PTDSS2: variants seen among roughly 807,000 people sequenced by gnomAD.
PTDSS2 encodes PSS-2.
PTDSS2 carries 41 observed loss-of-function variants against 64.7 expected under a neutral mutation model. That is an observed-to-expected ratio of 0.63 (90% CI 0.49 to 0.82). PTDSS2 has a LOEUF of 0.82. Ranked by LOEUF, PTDSS2 falls within the 40% of genes least tolerant of loss-of-function variation. The probability of loss-of-function intolerance (pLI) is 0.00; values close to 1 mark genes in which losing one functional copy is unlikely to be tolerated. For synonymous variants in PTDSS2, 297 were observed against 277.8 expected (o/e 1.07, Z -0.69); for missense variants, 485 against 650.0 (o/e 0.75, Z 2.76).
rs569935228 is a variant in PTDSS2 at position 475,104 on chromosome 11, C to G, written c.367+1127C>G. On this transcript the variant is annotated intron_variant, in intron 3 of 11. Coordinates refer to ENST00000308020, the MANE Select transcript of PTDSS2 (RefSeq NM_030783.3). ...CACGTGTTTGTGTGTGGGACATATT[C>G]ACGCGTTTGTGTGATACGGACATAT... 1.8e-4 allele frequency among the ~76,000 whole-genome samples: 26 copies of G among 147,162 alleles called. 1 individual carries two copies. The South Asian group carries it at 5.7e-3, about 32-fold the overall frequency.
chr11:489,286 C>T (rs1416148347), intron 8 of PTDSS2, 114 bp from the exon 9 acceptor site: 16 of 832,784 alleles, frequency 1.9e-5, no homozygotes, highest in African/African-American at 3.4e-5. Context: ...AAGAGCAGAG[C>T]TCGTCCGATG....
intron 1 of PTDSS2, among the ~76,000 whole-genome samples, chr11:452,698 C>G (rs1441203079): frequency 1.3e-5 from 2 of 152,002 alleles, no homozygotes; most frequent in Non-Finnish European, 2.9e-5. Flanking sequence ...TGCTGTGCCT[C>G]CTCCCTTCCC....
intron 6 of PTDSS2, 45 bp downstream of exon 6, chr11:487,515 C>A (rs757309819): frequency 5.1e-6 from 8 of 1,571,680 alleles, no homozygotes; most frequent in Non-Finnish European, 7.0e-6. Context: ...GGTTCTGAGG[C>A]CTGCCGTGGG....
intron 2 of PTDSS2, among the ~76,000 whole-genome samples, chr11:465,076 C>T (rs557434732): frequency 6.6e-6 from 1 of 152,302 alleles, no homozygotes; most frequent in Admixed American, 6.5e-5. Flanking sequence ...TCAACACTGG[C>T]GCTAGAGCAA....
At chr11:481,657 T>C (rs1207868685) in intron 4 of PTDSS2, among the ~76,000 whole-genome samples, 1 of 152,216 alleles carries the variant, frequency 6.6e-6, no homozygotes, top group African/African-American at 2.4e-5. Flanking sequence ...TCGTTACTCA[T>C]GTATGGAAAT....
chr11:488,513 T>C lies in PTDSS2; in HGVS notation c.736-16T>C, dbSNP rs552241172. 33 of 1,602,808 alleles carry C rather than the reference T, an allele frequency of 2.1e-5. No individual in the cohort carries two copies. The East Asian group carries it at 3.3e-4, about 16-fold the overall frequency. ...TACCCCTCACCCCTGCAACGAGTGC[T>C]GGCCCCTCCCTGCAGTGGATCATGG... On this transcript the variant is annotated splice_polypyrimidine_tract_variant and intron_variant, in intron 7 of 11. Coordinates refer to ENST00000308020, the MANE Select transcript of PTDSS2 (RefSeq NM_030783.3).
Position 490,540 on chromosome 11 carries a change from G to A in PTDSS2, c.1422G>A (p.Gly474=). The change falls in exon 12 of 12, where the codon GGG becomes GGA. Residue 474 remains glycine (G), a synonymous_variant. Coordinates refer to ENST00000308020, the MANE Select transcript of PTDSS2 (RefSeq NM_030783.3). ...HPLGLDEDLL[G]PGVAEGEGAP... Reference sequence around the variant, plus strand: ...TGGGGCTGGACGAAGACCTGCTGGGGCCTGGGGTGGCCGAGGGCGAGGGAG... The same window carrying A: ...TGGGGCTGGACGAAGACCTGCTGGGACCTGGGGTGGCCGAGGGCGAGGGAG... 2 of 1,611,308 alleles carry A rather than the reference G, an allele frequency of 1.2e-6. No individual in the cohort carries two copies. Among genetic ancestry groups the A allele is most frequent in the Non-Finnish European group, 1.7e-6 (2 of 1,179,192 alleles).
intron 1 of PTDSS2, chr11:459,920 C>G (rs1846794428): frequency 2.1e-6 from 1 of 482,388 alleles, no homozygotes; most frequent in Admixed American, 3.5e-5. Context: ...AGCATGTGCC[C>G]TCTGAGCAGC....
intron 4 of PTDSS2, among the ~76,000 whole-genome samples, chr11:485,608 CACTG>C (rs1848321948): frequency 7.7e-6 from 1 of 130,402 alleles, no homozygotes; most frequent in African/African-American, 3.0e-5. Flanking sequence ...CGCGTGTGCT[CACTG>C]CGCAGGCGAG....
chr11:453,761 G>A (rs964033296), intron 1 of PTDSS2, among the ~76,000 whole-genome samples: 4 of 152,230 alleles, frequency 2.6e-5, no homozygotes, highest in South Asian at 2.1e-4. Flanking sequence ...TTTGGACGAC[G>A]ACGCCGCGTT....
At position 462,313 on chromosome 11, in the gene PTDSS2, CGACGTGAGAGGCTGG is replaced by C. The variant is rs1487107191; in HGVS notation, c.284+2027_284+2041del. The stretch of plus-strand genomic sequence containing the variant: ...GCACTGGCCTCTCCTGAGTGGCCCC[CGACGTGAGAGGCTGG>C]GTTCTGCCATCCTGTCCTCTCCAGC... On this transcript the variant is annotated intron_variant, in intron 2 of 11. Coordinates refer to ENST00000308020, the MANE Select transcript of PTDSS2 (RefSeq NM_030783.3). The surrounding 1 kb of genome is among the most constrained non-coding windows in gnomAD (Gnocchi z 4.5). Among the ~76,000 whole-genome samples the C allele has an allele frequency of 6.6e-6, 1 of 152,148 alleles. No homozygotes were observed. The highest frequency in any genetic ancestry group is 1.9e-4 in the East Asian group (1 of 5,184).
rs1565002115 is a variant in PTDSS2, at chr11:490,779, CGTGTGTAT to C, written c.*199_*206del. 3 of 610,260 alleles carry C rather than the reference CGTGTGTAT, an allele frequency of 4.9e-6. No individual in the cohort carries two copies. Among genetic ancestry groups the C allele is most frequent in the African/African-American group, 1.9e-5 (1 of 52,842 alleles). 37.8% of individuals were successfully genotyped at this position (610,260 alleles called of 1,614,324 possible). On this transcript the variant is annotated 3_prime_UTR_variant, in exon 12 of 12. Transcript: ENST00000308020. ...TCATCTCCATGTGTACACGTGTGTACGTGTGTATGCGTGTGTGTACGCGTGTGTACGCG... is the reference window on the plus strand; with the variant it reads ...TCATCTCCATGTGTACACGTGTGTACGCGTGTGTGTACGCGTGTGTACGCG...
intron 2 of PTDSS2, among the ~76,000 whole-genome samples, chr11:465,272 C>T (rs926711337): frequency 6.6e-6 from 1 of 152,208 alleles, no homozygotes; most frequent in African/African-American, 2.4e-5. Context: ...CTCACTGTAG[C>T]CTCCAACTCC....
chr11:452,465 C>T (rs906528741), intron 1 of PTDSS2, among the ~76,000 whole-genome samples: 83 of 152,342 alleles, frequency 5.4e-4, no homozygotes, highest in African/African-American at 1.9e-3. Context: ...TTTAGAAGCC[C>T]AGACCAGTGG....
intron 9 of PTDSS2, 26 bp downstream of exon 9, chr11:489,540 C>T (rs556632646): frequency 2.2e-5 from 36 of 1,609,510 alleles, no homozygotes; most frequent in African/African-American, 1.9e-4. Flanking sequence ...CTCGCGACGG[C>T]GCGGCGGGCG....
At position 483,767 on chromosome 11, in the gene PTDSS2, A is replaced by G. The variant is rs149031915; in HGVS notation, c.436-3172A>G. 6.7e-3 allele frequency among the ~76,000 whole-genome samples: 1,022 copies of G among 152,042 alleles called. 9 individuals carry two copies. Among genetic ancestry groups the G allele is most frequent in the Admixed American group, 0.013 (193 of 15,272 alleles). On this transcript the variant is annotated intron_variant, in intron 4 of 11. Transcript: ENST00000308020. Reference sequence around the variant, plus strand: ...TATTTGTAAGAGGTACTGTCCTTTAATTTTCCTGGAATGTCTTGTTCTGGC... The same window carrying G: ...TATTTGTAAGAGGTACTGTCCTTTAGTTTTCCTGGAATGTCTTGTTCTGGC...
chr11:477,113 G>C (rs1847843670), intron 3 of PTDSS2, among the ~76,000 whole-genome samples: 1 of 152,220 alleles, frequency 6.6e-6, no homozygotes. Flanking sequence ...GGAATGCCCA[G>C]TCCGGCAGCT....
At chr11:465,488 C>T (rs116614690) in intron 2 of PTDSS2, among the ~76,000 whole-genome samples, 1,831 of 149,456 alleles carry the variant, frequency 0.012, 47 homozygotes, top group African/African-American at 0.042. Flanking sequence ...TATAAAACAT[C>T]TGAGCTATCA....
At chr11:453,633 G>A (rs574694390) in intron 1 of PTDSS2, among the ~76,000 whole-genome samples, 6 of 152,222 alleles carry the variant, frequency 3.9e-5, no homozygotes, top group Admixed American at 6.5e-5. Flanking sequence ...TGGGAGGCGC[G>A]AGTAGCCAGA....
Sources: allele counts gnomAD v4.1 joint callset (sites outside exome capture counted in the v4.1 genomes callset), GRCh38; gene constraint gnomAD v4.1.1; non-coding constraint Gnocchi (gnomAD v3.1); transcripts MANE v1.5; gene names NCBI Gene and HGNC (gene_info 2026-07-23, HGNC 2026-07-21).